HFM1: variants seen among roughly 807,000 people sequenced by gnomAD.
HFM1 encodes probable ATP-dependent DNA helicase HFM1.
Under a neutral mutation model 192.1 loss-of-function variants are expected in HFM1, and 169 were observed. That is an observed-to-expected ratio of 0.88 (90% CI 0.78 to 1.00). The LOEUF is 1.00. Ranked by LOEUF, HFM1 falls within the 50% of genes least tolerant of loss-of-function variation. The pLI is 0.00. For missense variants in HFM1, 1,661 were observed against 1,668.0 expected, an observed-to-expected ratio of 1.00 and a Z score of 0.07; for synonymous variants, 525 against 537.8, an observed-to-expected ratio of 0.98 and a Z score of 0.33.
At chr1:91,269,629 C>G (rs1280982554) in intron 34 of HFM1, among the ~76,000 whole-genome samples, 1 of 152,052 alleles carries the variant, frequency 6.6e-6, no homozygotes, top group Non-Finnish European at 1.5e-5. Context: ...GAAGTTTGTA[C>G]AGAGTGCAAT....
At chr1:91,405,110 C>T (rs1027944687), upstream of HFM1, among the ~76,000 whole-genome samples, 10 of 152,242 alleles carry the variant, frequency 6.6e-5, no homozygotes, top group African/African-American at 2.2e-4. Context: ...ACCTGCCTTT[C>T]TCATCAAAGT....
chr1:91,350,445 A>G (rs1176712994), intron 18 of HFM1, among the ~76,000 whole-genome samples: 1 of 152,166 alleles, frequency 6.6e-6, no homozygotes, highest in African/African-American at 2.4e-5. Flanking sequence ...TTTGTAACTA[A>G]CTTATTTTCA....
intron 30 of HFM1, among the ~76,000 whole-genome samples, chr1:91,308,427 T>C (rs1649958793): frequency 6.6e-6 from 1 of 152,212 alleles, no homozygotes. Flanking sequence ...AGAAAGTCCA[T>C]TTAAATCTCT....
At chr1:91,289,622 G>C (rs184332818) in intron 30 of HFM1, among the ~76,000 whole-genome samples, 67 of 152,304 alleles carry the variant, frequency 4.4e-4, no homozygotes, top group Non-Finnish European at 9.0e-4. Context: ...CACCTTGGGA[G>C]GCTGAGGCTG....
Position 91,380,133 on chromosome 1 carries a change from A to G in HFM1, c.977T>C (p.Leu326Ser), listed in dbSNP as rs1298005320. The part of the protein sequence containing the change: ...AITRLLMEVP[L>S]PWLNIKIVYM... ...AACAATTTTAATATTCAACCATGGC[A>G]ATGGTACTTCCATTAACAATCTTGT... is the stretch of plus-strand genomic sequence containing the variant. Residue 326 changes from leucine (L) to serine (S), a missense_variant, in exon 8 of 39, where the codon TTG (leucine) becomes TCG (serine). Physicochemically the swap from Leu to Ser is moderately radical, Grantham distance 145. Transcript: ENST00000370425. The G allele has an allele frequency of 6.9e-7, 1 of 1,444,846 alleles. No individual in the cohort carries two copies. Among genetic ancestry groups the G allele is most frequent in the East Asian group, 2.4e-5 (1 of 41,902 alleles). 89.5% of individuals were successfully genotyped at this position (1,444,846 alleles called of 1,614,324 possible).
intron 30 of HFM1, among the ~76,000 whole-genome samples, chr1:91,289,199 A>G (rs1668400700): frequency 6.6e-6 from 1 of 151,394 alleles, no homozygotes; most frequent in Non-Finnish European, 1.5e-5. Flanking sequence ...GTGGCGGGGC[A>G]GAGACACTCC....
At chr1:91,374,812 T>G (rs957297592) in intron 13 of HFM1, among the ~76,000 whole-genome samples, 1 of 152,154 alleles carries the variant, frequency 6.6e-6, no homozygotes, top group Non-Finnish European at 1.5e-5. Flanking sequence ...TGGGAATTCA[T>G]AGACATGCAT....
chr1:91,365,540 T>C (rs12129878), intron 13 of HFM1, among the ~76,000 whole-genome samples: 15,818 of 152,190 alleles, frequency 0.1, 919 homozygotes, highest in Middle Eastern at 0.16. Context: ...GTTAAGAAAG[T>C]GTGTTGATAA....
intron 30 of HFM1, among the ~76,000 whole-genome samples, chr1:91,300,593 A>AGT (rs1233386414): frequency 6.6e-6 from 1 of 152,220 alleles, no homozygotes; most frequent in Non-Finnish European, 1.5e-5. Context: ...ACCATGATCA[A>AGT]GTGGGCTTCA....
intron 30 of HFM1, among the ~76,000 whole-genome samples, chr1:91,297,109 T>C (rs962515738): frequency 6.6e-6 from 1 of 152,126 alleles, no homozygotes; most frequent in African/African-American, 2.4e-5. Flanking sequence ...TGCACTTTTC[T>C]AATGGTCTTA....
At chr1:91,361,521 A>G (rs1163277465) in intron 13 of HFM1, among the ~76,000 whole-genome samples, 3 of 152,230 alleles carry the variant, frequency 2.0e-5, no homozygotes, top group African/African-American at 7.2e-5. Context: ...TGAATCCCTG[A>G]GCAGACCAAT....
intron 36 of HFM1, 99 bp from the exon 37 acceptor site, chr1:91,262,691 CA>C: frequency 1.5e-6 from 1 of 685,500 alleles, no homozygotes; most frequent in Middle Eastern, 4.1e-4. Flanking sequence ...CAAAGTTTAT[CA>C]CATTTATCAC....
intron 30 of HFM1, among the ~76,000 whole-genome samples, chr1:91,277,761 A>T (rs1234446931): frequency 8.2e-6 from 1 of 121,564 alleles, no homozygotes; most frequent in Non-Finnish European, 1.6e-5. Flanking sequence ...TATATATAAT[A>T]TATACTAATA....
In HFM1 at chr1:91,348,120, G is replaced by A. The variant is rs1296185983; in HGVS notation, c.2207-644C>T. On this transcript the variant is annotated intron_variant, in intron 18 of 38. Coordinates refer to ENST00000370425, the MANE Select transcript of HFM1 (RefSeq NM_001017975.6). ...CTTAATCTGGGCTGTGGTTACATGT[G>A]TGTATATGTGTGTATAAACACATAT... is the stretch of plus-strand genomic sequence containing the variant. Among the ~76,000 whole-genome samples the A allele has an allele frequency of 3.3e-5, 5 of 152,162 alleles. No individual in the cohort carries two copies. In the East Asian group the frequency reaches 5.8e-4, roughly 18 times the overall value.
chr1:91,333,484 G>A (rs1654116780), intron 20 of HFM1, among the ~76,000 whole-genome samples: 1 of 151,508 alleles, frequency 6.6e-6, no homozygotes, highest in Non-Finnish European at 1.5e-5. Flanking sequence ...AGGGGAGTTT[G>A]GTGGGGATGG....
intron 4 of HFM1, among the ~76,000 whole-genome samples, chr1:91,386,575 C>T (rs1334930492): frequency 6.6e-6 from 1 of 152,120 alleles, no homozygotes; most frequent in Non-Finnish European, 1.5e-5. Flanking sequence ...TTTTAAACTA[C>T]TACATTTTGG....
At chr1:91,320,413 C>T (rs1043779439) in intron 23 of HFM1, among the ~76,000 whole-genome samples, 3 of 151,982 alleles carry the variant, frequency 2.0e-5, no homozygotes, top group Non-Finnish European at 4.4e-5. Context: ...TACAAAGATA[C>T]ACAGTATACT....
intron 34 of HFM1, among the ~76,000 whole-genome samples, chr1:91,272,880 T>A (rs1224772390): frequency 6.6e-6 from 1 of 151,636 alleles, no homozygotes; most frequent in East Asian, 1.9e-4. Flanking sequence ...AATGACAGCA[T>A]GAAGAAAAGA....
intron 35 of HFM1, among the ~76,000 whole-genome samples, chr1:91,267,054 G>A (rs1665836196): frequency 6.6e-6 from 1 of 152,168 alleles, no homozygotes; most frequent in Admixed American, 6.5e-5. Context: ...AGAAGGCTGA[G>A]GGACTGATTT....
Sources: gnomAD v4.1 joint callset for allele counts (sites outside exome capture counted in the v4.1 genomes callset) on GRCh38, gnomAD v4.1.1 for gene constraint, MANE v1.5 for transcripts, NCBI Gene and HGNC (gene_info 2026-07-23, HGNC 2026-07-21) for gene names.